GAST: variants seen among roughly 807,000 people sequenced by gnomAD.
GAST encodes the protein preprogastrin.
In GAST, 9 loss-of-function variants were observed where a neutral mutation model predicts 12.5. That is an observed-to-expected ratio of 0.72 (90% CI 0.43 to 1.25). GAST has a LOEUF of 1.25. GAST is among the 50% of genes most tolerant of loss of function. The pLI, the probability that GAST is intolerant of heterozygous loss-of-function variation, is 0.00. For missense variants in GAST, 121 were observed against 127.7 expected (o/e 0.95, Z 0.25); for synonymous variants, 52 against 51.1 (o/e 1.02, Z -0.08).
chr17:41,713,092 T>A (rs1252982094), intron 1 of GAST, among the ~76,000 whole-genome samples: 1 of 152,078 alleles, frequency 6.6e-6, no homozygotes, highest in Non-Finnish European at 1.5e-5. Context: ...ATTTTTCATA[T>A]TTTTGGTAGA....
chr17:41,715,601 T>C lies in GAST; in HGVS notation c.165T>C (p.His55=), dbSNP rs781969842. 2 of 1,613,666 alleles carry C rather than the reference T, an allele frequency of 1.2e-6. No individual in the cohort carries two copies. The highest frequency in any genetic ancestry group is 2.2e-5 in the South Asian group (2 of 91,080). Reference sequence around the variant, plus strand: ...TGGAGCAGCAGGGCCCAGCCTCTCATCATCGAAGGCAGCTGGGACCCCAGG... The same window carrying C: ...TGGAGCAGCAGGGCCCAGCCTCTCACCATCGAAGGCAGCTGGGACCCCAGG... ...PWLEQQGPAS[H]HRRQLGPQGP... Residue 55 remains histidine (H), a synonymous_variant, in exon 2 of 3, where the codon CAT becomes CAC. Transcript: ENST00000329402.
At position 41,715,444 on chromosome 17, in the gene GAST, G is replaced by C. The variant is rs34309618; in HGVS notation, c.8G>C (p.Arg3Pro). The C allele has an allele frequency of 7.1e-3, 11,430 of 1,611,360 alleles. 635 individuals are homozygous for C. The African/African-American group carries it at 0.13, about 18-fold the overall frequency. The change falls in exon 2 of 3, where the codon CGA becomes CCA. Residue 3 changes from arginine to proline, a missense_variant. Transcript: ENST00000329402. ...CTCCCCTTTGCAGACGAGATGCAGC[G>C]ACTGTGTGTGTATGTGCTGATCTTT... MQ[R>P]LCVYVLIFAL...
chr17:41,715,813 G>T lies in GAST; in HGVS notation c.247G>T (p.Glu83Ter). 6.2e-7 allele frequency: 1 copy of T among 1,612,132 alleles called. No homozygotes were observed. The highest frequency in any genetic ancestry group is 8.5e-7 in the Non-Finnish European group (1 of 1,179,426). The change falls in exon 3 of 3, where the codon GAA (glutamate) becomes TAA (stop). Residue 83 changes from glutamate (E) to a stop codon, truncating the protein, a stop_gained. Coordinates refer to ENST00000329402, the MANE Select transcript of GAST (RefSeq NM_000805.5). LOFTEE classifies it high-confidence loss of function. ...GAAGCAGGGACCATGGCTGGAGGAA[G>T]AAGAAGAAGCCTATGGATGGATGGA... ...SKKQGPWLEE[E>*]EEAYGWMDFG...
Position 41,715,589 on chromosome 17 carries a change from C to T in GAST, c.153C>T (p.Gly51=). 1 of 1,613,582 alleles carries T rather than the reference C, an allele frequency of 6.2e-7. No homozygotes were observed. Among genetic ancestry groups the T allele is most frequent in the Non-Finnish European group, 8.5e-7 (1 of 1,179,996 alleles). Residue 51 remains glycine, a synonymous_variant, in exon 2 of 3, where the codon GGC becomes GGT. Coordinates refer to ENST00000329402, the MANE Select transcript of GAST (RefSeq NM_000805.5). Reference sequence around the variant, plus strand: ...AGCTACCCTGGCTGGAGCAGCAGGGCCCAGCCTCTCATCATCGAAGGCAGC... The same window carrying T: ...AGCTACCCTGGCTGGAGCAGCAGGGTCCAGCCTCTCATCATCGAAGGCAGC... ...DLELPWLEQQ[G]PASHHRRQLG...
Position 41,715,604 on chromosome 17 carries a change from T to A in GAST, c.168T>A (p.His56Gln). ...AGCAGCAGGGCCCAGCCTCTCATCA[T>A]CGAAGGCAGCTGGGACCCCAGGGTC... ...WLEQQGPASHHRRQLGPQGPP... is the reference protein window; with the variant it reads ...WLEQQGPASHQRRQLGPQGPP... The change falls in exon 2 of 3, where the codon CAT becomes CAA. Residue 56 changes from histidine to glutamine, a missense_variant. Physicochemically the swap from His to Gln is conservative, Grantham distance 24. Coordinates refer to ENST00000329402, the MANE Select transcript of GAST (RefSeq NM_000805.5). 6.2e-7 allele frequency: 1 copy of A among 1,613,668 alleles called. No individual in the cohort carries two copies. The highest frequency in any genetic ancestry group is 8.5e-7 in the Non-Finnish European group (1 of 1,179,978).
At chr17:41,715,387 TG>T in intron 1 of GAST, 44 bp from the exon 2 acceptor site, 1 of 1,497,382 alleles carries the variant, frequency 6.7e-7, no homozygotes, top group Non-Finnish European at 9.2e-7. Context: ...TGGGCCTCTG[TG>T]GGGACAGCCT....
chr17:41,714,185 T>A (rs1360240269), intron 1 of GAST, among the ~76,000 whole-genome samples: 1 of 152,162 alleles, frequency 6.6e-6, no homozygotes, highest in African/African-American at 2.4e-5. Context: ...TTGTTTTTGT[T>A]TTTTTGAGAC....
intron 1 of GAST, among the ~76,000 whole-genome samples, chr17:41,714,923 A>G (rs1160912887): frequency 1.3e-5 from 2 of 152,240 alleles, no homozygotes; most frequent in African/African-American, 4.8e-5. Flanking sequence ...GGTAAAGAGA[A>G]AAAACACAAG....
In GAST at chr17:41,714,202, T is replaced by A. The variant is rs1194585203; in HGVS notation, c.-5-1230T>A. On this transcript the variant is annotated intron_variant, in intron 1 of 2. Coordinates refer to ENST00000329402, the MANE Select transcript of GAST (RefSeq NM_000805.5). ...GTTTTTGTTTTTTTGAGACAGGGTC[T>A]CACTCTGTCGCCCAGGCTGGAGAGC... Among the ~76,000 whole-genome samples, 32 of 152,176 alleles carry A rather than the reference T, an allele frequency of 2.1e-4. 1 individual carries two copies. The highest frequency in any genetic ancestry group is 1.4e-3 in the Admixed American group (21 of 15,266).
chr17:41,714,868 A>G (rs1237654002), intron 1 of GAST, among the ~76,000 whole-genome samples: 3 of 152,220 alleles, frequency 2.0e-5, no homozygotes, highest in African/African-American at 7.2e-5. Flanking sequence ...CCATTGCCCT[A>G]GGATTTGACT....
At chr17:41,714,502 T>C (rs57593093) in intron 1 of GAST, among the ~76,000 whole-genome samples, 48,714 of 151,998 alleles carry the variant, frequency 0.32, 8,621 homozygotes, top group Non-Finnish European at 0.41. Context: ...CTGAGCACAG[T>C]GGCTCACATC....
In GAST at chr17:41,715,801, T is replaced by C. The variant is rs782224974; in HGVS notation, c.235T>C (p.Trp79Arg). The C allele has an allele frequency of 1.9e-6, 3 of 1,611,540 alleles. No individual in the cohort carries two copies. Among genetic ancestry groups the C allele is most frequent in the East Asian group, 4.5e-5 (2 of 44,882 alleles). ...AGACCCGTCCAAGAAGCAGGGACCATGGCTGGAGGAAGAAGAAGAAGCCTA... is the reference window on the plus strand; with the variant it reads ...AGACCCGTCCAAGAAGCAGGGACCACGGCTGGAGGAAGAAGAAGAAGCCTA... ...VADPSKKQGP[W>R]LEEEEEAYGW... Residue 79 changes from tryptophan (W) to arginine (R), a missense_variant, in exon 3 of 3, where the codon TGG becomes CGG. By Grantham distance (101) the Trp-to-Arg change is moderately radical (BLOSUM62 -3). Coordinates refer to ENST00000329402, the MANE Select transcript of GAST (RefSeq NM_000805.5).
chr17:41,713,202 C>A (rs1215002676), intron 1 of GAST, among the ~76,000 whole-genome samples: 1 of 152,066 alleles, frequency 6.6e-6, no homozygotes, highest in Non-Finnish European at 1.5e-5. Flanking sequence ...CAGGCGTGAG[C>A]CACTGCACCT....
At position 41,715,939 on chromosome 17, in the gene GAST, A is replaced by G; in HGVS notation, c.*67A>G. On this transcript the variant is annotated 3_prime_UTR_variant, in exon 3 of 3. Transcript: ENST00000329402. ...CCACTCCAGCCCTGTCCCCTGAAAA[A>G]CTGATCAAAAATAAACTAGTTTCCA... The G allele has an allele frequency of 7.9e-7, 1 of 1,272,756 alleles. No homozygotes were observed. The highest frequency in any genetic ancestry group is 1.1e-6 in the Non-Finnish European group (1 of 912,234). The allele number at this position is 1,272,756 out of a possible 1,614,324, so 78.8% of individuals were successfully genotyped here.
chr17:41,715,654 G>A lies in GAST; in HGVS notation c.211+7G>A, dbSNP rs374072882. 7 of 1,612,704 alleles carry A rather than the reference G, an allele frequency of 4.3e-6. No individual in the cohort carries two copies. In the African/African-American group the frequency reaches 8.0e-5, roughly 18 times the overall value. On this transcript the variant is annotated splice_region_variant and intron_variant, in intron 2 of 2. Transcript: ENST00000329402. ...CCCCCACACCTCGTGGCAGGTAGGA[G>A]CTGCTGACTGCCCTGCTTGCCTCAC...
intron 2 of GAST, 25 bp from the exon 3 acceptor site, chr17:41,715,753 A>G (rs1597727131): frequency 6.3e-7 from 1 of 1,596,712 alleles, no homozygotes; most frequent in Non-Finnish European, 8.5e-7. Flanking sequence ...TCCTTCCCCC[A>G]TTCTCGCCTC....
rs782211173 is a variant in GAST at position 41,715,543 on chromosome 17, C to T, written c.107C>T (p.Thr36Ile). The change falls in exon 2 of 3, where the codon ACA becomes ATA. Residue 36 changes from threonine (T) to isoleucine (I), a missense_variant. Transcript: ENST00000329402. ...CAGCAGCCAGATGCACCCTTAGGTACAGGGGCCAACAGGGACCTGGAGCTA... is the reference window on the plus strand; with the variant it reads ...CAGCAGCCAGATGCACCCTTAGGTATAGGGGCCAACAGGGACCTGGAGCTA... ...RSQQPDAPLG[T>I]GANRDLELPW... The T allele has an allele frequency of 3.7e-6, 6 of 1,613,488 alleles. No individual in the cohort carries two copies. The South Asian group carries it at 4.4e-5, about 12-fold the overall frequency.
At chr17:41,712,421 G>A (rs1910875626) in intron 1 of GAST, 34 bp downstream of exon 1, 1 of 152,384 alleles carries the variant, frequency 6.6e-6, no homozygotes, top group Admixed American at 6.5e-5. Flanking sequence ...GGAGAGGCTA[G>A]GAAGTGGGTT....
rs1373167765 is a variant in GAST at position 41,712,511 on chromosome 17, A to G, written c.-6+124A>G. 3.9e-5 allele frequency: 6 copies of G among 152,218 alleles called. No homozygotes were observed. The East Asian group carries it at 9.7e-4, about 25-fold the overall frequency. The allele number at this position is 152,218 out of a possible 1,614,324, so 9.4% of individuals were successfully genotyped here. ...ACCCCTTGGGGTCTCCAGAGCTGGG[A>G]CCCTTTCTTTATCCCAGGATGGAAC... On this transcript the variant is annotated intron_variant, in intron 1 of 2. Coordinates refer to ENST00000329402, the MANE Select transcript of GAST (RefSeq NM_000805.5).
Sources: gnomAD v4.1 joint callset for allele counts (sites outside exome capture counted in the v4.1 genomes callset) on GRCh38, gnomAD v4.1.1 for gene constraint, MANE v1.5 for transcripts, NCBI Gene and HGNC (gene_info 2026-07-23, HGNC 2026-07-21) for gene names.